SEMA6A: variants seen among roughly 807,000 people sequenced by gnomAD.
SEMA6A encodes the protein semaphorin-6A.
A neutral mutation model predicts 96.8 loss-of-function variants in SEMA6A; 25 were observed. The observed-to-expected ratio is 0.26, with a 90% CI of 0.19 to 0.36. SEMA6A has a LOEUF of 0.36. Among genes scored for constraint, SEMA6A ranks in the 10% least tolerant of loss-of-function variants. The probability of loss-of-function intolerance (pLI) is 1.00; values close to 1 mark genes in which losing one functional copy is unlikely to be tolerated. For missense variants in SEMA6A, 1,363 were observed against 1,323.1 expected, an observed-to-expected ratio of 1.03 and a Z score of -0.47; for synonymous variants, 612 against 518.0, an observed-to-expected ratio of 1.18 and a Z score of -2.46.
rs1269681484 is a variant in SEMA6A, at chr5:116,447,245, T to A, written c.2461A>T (p.Thr821Ser). ...HIPSVVVLPI[T>S]QQGYQHEYVD... ...TACTCATGCTGGTAGCCCTGCTGCG[T>A]GATGGGCAGGACCACCACGCTGGGG... is the stretch of plus-strand genomic sequence containing the variant. The change falls in exon 19 of 19, where the codon ACG becomes TCG. Residue 821 changes from threonine (T) to serine (S), a missense_variant. Transcript: ENST00000343348. 6 of 1,613,876 alleles carry A rather than the reference T, an allele frequency of 3.7e-6. No individual in the cohort carries two copies. In the African/African-American group the frequency reaches 5.3e-5, roughly 14 times the overall value.
At chr5:116,499,706 A>G (rs929703665) in intron 3 of SEMA6A, among the ~76,000 whole-genome samples, 52 of 152,222 alleles carry the variant, frequency 3.4e-4, no homozygotes, top group African/African-American at 1.3e-3. Context: ...GACCTTTAGT[A>G]AAGATGAGCT....
rs746697574 is a variant in SEMA6A at position 116,467,624 on chromosome 5, G to C, written c.1853C>G (p.Pro618Arg). The change falls in exon 18 of 19, where the codon CCT (proline) becomes CGT (arginine). Residue 618 changes from proline (P) to arginine (R), a missense_variant. By Grantham distance (103) the Pro-to-Arg change is moderately radical. Coordinates refer to ENST00000343348, the MANE Select transcript of SEMA6A (RefSeq NM_020796.5). The part of the protein sequence containing the change: ...HLLDSPDSTD[P>R]LGAVSSHNHQ... ...ATTATGGGAAGACACTGCCCCCAAA[G>C]GGTCTGTGCTGTCAGGTGAGTCAAG... 6.2e-7 allele frequency: 1 copy of C among 1,613,486 alleles called. No homozygotes were observed. The highest frequency in any genetic ancestry group is 1.3e-5 in the African/African-American group (1 of 74,932).
At chr5:116,466,674 G>A (rs1755777516) in intron 18 of SEMA6A, among the ~76,000 whole-genome samples, 1 of 152,220 alleles carries the variant, frequency 6.6e-6, no homozygotes, top group East Asian at 1.9e-4. Flanking sequence ...GTCTTCCAAG[G>A]GTCACAGTGG....
intron 3 of SEMA6A, among the ~76,000 whole-genome samples, chr5:116,497,621 A>G (rs571016035): frequency 1.3e-5 from 2 of 152,208 alleles, no homozygotes; most frequent in Non-Finnish European, 2.9e-5. Context: ...ACTTTCCTGT[A>G]TTAGCTCTTC....
chr5:116,489,840 C>G (rs547703177), intron 7 of SEMA6A, among the ~76,000 whole-genome samples: 1 of 152,098 alleles, frequency 6.6e-6, no homozygotes, highest in Non-Finnish European at 1.5e-5. Context: ...AACACTCTGC[C>G]AACAAATAAT....
chr5:116,554,025 A>G (rs778868455), intron 1 of SEMA6A, among the ~76,000 whole-genome samples: 14 of 152,288 alleles, frequency 9.2e-5, no homozygotes, highest in Non-Finnish European at 1.6e-4. Flanking sequence ...GGAGACTTCA[A>G]TAGGTAATGA....
rs1754129957 is a variant in SEMA6A at position 116,445,602 on chromosome 5, A to G, written c.*1011T>C. The G allele has an allele frequency of 6.6e-6, 1 of 152,476 alleles. No homozygotes were observed. The highest frequency in any genetic ancestry group is 2.1e-4 in the South Asian group (1 of 4,836). 9.4% of individuals were successfully genotyped at this position (152,476 alleles called of 1,614,324 possible). On this transcript the variant is annotated 3_prime_UTR_variant, in exon 19 of 19. Transcript: ENST00000343348. ...AATTAGGATCTGGAAGGACTTTAAC[A>G]TGAATTAGTTTTTTTGCATGTTTAT...
chr5:116,507,770 G>C (rs1758216509), intron 1 of SEMA6A, among the ~76,000 whole-genome samples: 1 of 152,188 alleles, frequency 6.6e-6, no homozygotes, highest in South Asian at 2.1e-4. Flanking sequence ...TACTTCATAA[G>C]TAAGCCTATT....
chr5:116,496,046 A>C (rs950598070), intron 5 of SEMA6A: 3 of 505,886 alleles, frequency 5.9e-6, no homozygotes, highest in East Asian at 3.7e-5. Flanking sequence ...TTCATGATGC[A>C]GGCCTAGCAG....
At position 116,446,329 on chromosome 5, in the gene SEMA6A, G is replaced by T; in HGVS notation, c.*284C>A. On this transcript the variant is annotated 3_prime_UTR_variant, in exon 19 of 19. Coordinates refer to ENST00000343348, the MANE Select transcript of SEMA6A (RefSeq NM_020796.5). Reference sequence around the variant, plus strand: ...AGGTATGTGCTTTTGGCTCATGTTTGTGATGATAACTGAAGTCTTTTGTGG... The same window carrying T: ...AGGTATGTGCTTTTGGCTCATGTTTTTGATGATAACTGAAGTCTTTTGTGG... 3.1e-6 allele frequency: 1 copy of T among 323,048 alleles called. No individual in the cohort carries two copies. The highest frequency in any genetic ancestry group is 1.0e-4 in the South Asian group (1 of 9,602). 20.0% of individuals were successfully genotyped at this position (323,048 alleles called of 1,614,324 possible). A position where few individuals can be genotyped will look rare whatever the true frequency, so the allele number is the denominator to read the frequency against.
At chr5:116,564,720 G>A (rs1054715319) in intron 1 of SEMA6A, among the ~76,000 whole-genome samples, 1 of 151,588 alleles carries the variant, frequency 6.6e-6, no homozygotes, top group African/African-American at 2.4e-5. Flanking sequence ...AAAAAAAATA[G>A]CAAAATATTG....
At chr5:116,536,911 T>C (rs2112853444) in intron 1 of SEMA6A, among the ~76,000 whole-genome samples, 1 of 146,444 alleles carries the variant, frequency 6.8e-6, no homozygotes, top group Admixed American at 6.8e-5. Flanking sequence ...CTGGTGTTCT[T>C]TTGTGCTGTA....
chr5:116,495,437 G>A lies in SEMA6A; in HGVS notation c.420C>T (p.Phe140=). 3 of 1,610,382 alleles carry A rather than the reference G, an allele frequency of 1.9e-6. No individual in the cohort carries two copies. Among genetic ancestry groups the A allele is most frequent in the Non-Finnish European group, 2.5e-6 (3 of 1,178,252 alleles). Residue 140 remains phenylalanine (F), a synonymous_variant, in exon 6 of 19, where the codon TTC becomes TTT. Coordinates refer to ENST00000343348, the MANE Select transcript of SEMA6A (RefSeq NM_020796.5). Reference sequence around the variant, plus strand: ...CCTTATAGTTTCTGCAGGAAGGGTTGAAGGCATTAGTTCCACAGACAAACA... The same window carrying A: ...CCTTATAGTTTCTGCAGGAAGGGTTAAAGGCATTAGTTCCACAGACAAACA... ...DALFVCGTNA[F]NPSCRNYKMD...
chr5:116,498,183 A>G (rs1223573254), intron 3 of SEMA6A, among the ~76,000 whole-genome samples: 1 of 152,114 alleles, frequency 6.6e-6, no homozygotes, highest in Non-Finnish European at 1.5e-5. Flanking sequence ...AAAGAACTAC[A>G]CTCAACAGAG....
At chr5:116,476,820 ATGCT>A (rs1329168157) in intron 15 of SEMA6A, among the ~76,000 whole-genome samples, 3 of 152,218 alleles carry the variant, frequency 2.0e-5, no homozygotes, top group Non-Finnish European at 4.4e-5. Flanking sequence ...CATGTCAATA[ATGCT>A]ACTTGCAAAG....
chr5:116,553,258 G>C (rs965832061), intron 1 of SEMA6A, among the ~76,000 whole-genome samples: 1 of 152,128 alleles, frequency 6.6e-6, no homozygotes, highest in Non-Finnish European at 1.5e-5. Context: ...AATCCATTAA[G>C]TATAATCTTA....
At chr5:116,504,030 A>C (rs1758025648) in intron 2 of SEMA6A, among the ~76,000 whole-genome samples, 1 of 152,182 alleles carries the variant, frequency 6.6e-6, no homozygotes, top group Admixed American at 6.5e-5. Flanking sequence ...CTTCCAACCC[A>C]GAAAGAACAG....
At chr5:116,540,780 A>C (rs994351889) in intron 1 of SEMA6A, among the ~76,000 whole-genome samples, 2 of 152,210 alleles carry the variant, frequency 1.3e-5, no homozygotes, top group African/African-American at 4.8e-5. Context: ...CTTCCTTGGC[A>C]GTTTATTCTC....
chr5:116,484,800 C>T (rs531965785), intron 10 of SEMA6A, among the ~76,000 whole-genome samples: 5 of 152,232 alleles, frequency 3.3e-5, no homozygotes, highest in African/African-American at 7.2e-5. Flanking sequence ...GGGCAAATCT[C>T]GCAGAAAGCA....
Sources: gnomAD v4.1 joint callset for allele counts (sites outside exome capture counted in the v4.1 genomes callset) on GRCh38, gnomAD v4.1.1 for gene constraint, MANE v1.5 for transcripts, NCBI Gene and HGNC (gene_info 2026-07-23, HGNC 2026-07-21) for gene names.